BICRAL: variants seen among roughly 807,000 people sequenced by gnomAD.
BICRAL encodes BICRA like chromatin remodeling complex associated protein, also known as BRD4-interacting chromatin-remodeling complex-associated protein-like.
In BICRAL, 8 loss-of-function variants were observed where a neutral mutation model predicts 91.8. The ratio of observed to expected loss-of-function variants is 0.09; its 90% CI spans 0.05 to 0.16. The LOEUF is 0.16. Ranked by LOEUF, BICRAL falls within the 10% of genes least tolerant of loss-of-function variation. The pLI is 1.00. For missense variants in BICRAL, 1,038 were observed against 1,310.9 expected (o/e 0.79, Z 3.21); for synonymous variants, 445 against 491.1 (o/e 0.91, Z 1.24).
chr6:42,760,011 G>A (rs748292835), intron 1 of BICRAL, among the ~76,000 whole-genome samples: 5 of 152,136 alleles, frequency 3.3e-5, no homozygotes, highest in East Asian at 3.9e-4. Context: ...TTGGGAGGCC[G>A]GGGCGGGTGG....
intron 6 of BICRAL, among the ~76,000 whole-genome samples, 186 bp from the exon 7 acceptor site, chr6:42,851,906 T>C (rs143970108): frequency 6.6e-6 from 1 of 152,268 alleles, no homozygotes; most frequent in East Asian, 1.9e-4. Flanking sequence ...TGCCTGCAGA[T>C]TGTTAAAGGA....
At chr6:42,748,628 A>T (rs1762328494) in intron 1 of BICRAL, among the ~76,000 whole-genome samples, 1 of 151,960 alleles carries the variant, frequency 6.6e-6, no homozygotes, top group African/African-American at 2.4e-5. Context: ...CACCCAGGTG[A>T]CCCGGTGTGT....
upstream of BICRAL, among the ~76,000 whole-genome samples, chr6:42,778,562 T>G (rs149792512): frequency 6.6e-6 from 1 of 152,340 alleles, no homozygotes; most frequent in Non-Finnish European, 1.5e-5. Flanking sequence ...TTAAAAAGCC[T>G]GCAATGCCCT....
At position 42,829,045 on chromosome 6, in the gene BICRAL, T is replaced by C; in HGVS notation, c.712T>C (p.Leu238=). 1 of 1,614,154 alleles carries C rather than the reference T, an allele frequency of 6.2e-7. No homozygotes were observed. The highest frequency in any genetic ancestry group is 8.5e-7 in the Non-Finnish European group (1 of 1,179,990). Residue 238 remains leucine, a synonymous_variant, in exon 6 of 13, where the codon TTA becomes CTA. Coordinates refer to ENST00000314073, the MANE Select transcript of BICRAL (RefSeq NM_001393499.1). ...TAACCTAGATGGATCTCAAATCATA[T>C]TAAAGGGCAGCGGGCAGCAAGCCCC... The part of the protein sequence containing the change: ...INNLDGSQII[L]KGSGQQAPSN...
At chr6:42,808,011 G>C (rs1763756995) in intron 1 of BICRAL, among the ~76,000 whole-genome samples, 1 of 151,894 alleles carries the variant, frequency 6.6e-6, no homozygotes, top group Admixed American at 6.6e-5. Flanking sequence ...AAACACAGCT[G>C]CCTTATATTT....
intron 1 of BICRAL, among the ~76,000 whole-genome samples, chr6:42,798,550 G>A (rs1582827111): frequency 6.6e-6 from 1 of 152,008 alleles, no homozygotes; most frequent in Admixed American, 6.6e-5. Flanking sequence ...TACAAAATTA[G>A]CCAGGCGTGG....
intron 1 of BICRAL, among the ~76,000 whole-genome samples, chr6:42,805,140 C>G (rs1763672395): frequency 1.3e-5 from 2 of 152,174 alleles, no homozygotes; most frequent in Non-Finnish European, 2.9e-5. Context: ...CTGAGGTTGT[C>G]AGAGAAGGAT....
intron 2 of BICRAL, among the ~76,000 whole-genome samples, chr6:42,815,079 T>A (rs998762760): frequency 3.3e-5 from 5 of 151,250 alleles, no homozygotes; most frequent in African/African-American, 1.2e-4. Flanking sequence ...CTGGCTCATT[T>A]TTTTTGTATT....
chr6:42,845,741 A>G (rs1380786715), intron 6 of BICRAL, among the ~76,000 whole-genome samples: 1 of 151,962 alleles, frequency 6.6e-6, no homozygotes, highest in Non-Finnish European at 1.5e-5. Flanking sequence ...TTAACAATAC[A>G]TCAGAATCAA....
At chr6:42,821,942 A>T (rs1764148583) in intron 2 of BICRAL, 76 bp from the exon 3 acceptor site, 4 of 815,754 alleles carry the variant, frequency 4.9e-6, no homozygotes, top group Non-Finnish European at 6.3e-6. Flanking sequence ...TGTAAGGCAT[A>T]CTTTTGTATT....
chr6:42,800,718 T>C (rs2113897681), intron 1 of BICRAL, among the ~76,000 whole-genome samples: 1 of 152,256 alleles, frequency 6.6e-6, no homozygotes, highest in East Asian at 1.9e-4. Context: ...TCCGGCTATG[T>C]CCACACATTT....
At chr6:42,772,733 G>C (rs1762755579) in intron 1 of BICRAL, among the ~76,000 whole-genome samples, 1 of 152,166 alleles carries the variant, frequency 6.6e-6, no homozygotes, top group Non-Finnish European at 1.5e-5. Flanking sequence ...GATGATCTTT[G>C]TAGCAATTTG....
intron 6 of BICRAL, among the ~76,000 whole-genome samples, chr6:42,842,265 T>G (rs1408861042): frequency 6.6e-6 from 1 of 152,210 alleles, no homozygotes; most frequent in South Asian, 2.1e-4. Flanking sequence ...AGAAGTACTG[T>G]GCTACCTGAT....
rs867702510 is a variant in BICRAL, at chr6:42,857,612, A to T, written c.2254+376A>T. Among the ~76,000 whole-genome samples, 837 of 96,904 alleles carry T rather than the reference A, an allele frequency of 8.6e-3. 10 individuals are homozygous for T. The highest frequency in any genetic ancestry group is 0.045 in the African/African-American group (635 of 14,098). 63.6% of individuals were successfully genotyped at this position (96,904 alleles called of 152,430 possible). ...AGACACTGTCTCTTAAAAAAAAAAA[A>T]AAATATATATATATATATATATATT... is the stretch of plus-strand genomic sequence containing the variant. On this transcript the variant is annotated intron_variant, in intron 10 of 12. Transcript: ENST00000314073.
chr6:42,857,314 C>T, intron 10 of BICRAL, 78 bp downstream of exon 10: 1 of 1,163,056 alleles, frequency 8.6e-7, no homozygotes, highest in Non-Finnish European at 1.2e-6. Flanking sequence ...AAGCAAGAGC[C>T]ACATCACCCC....
intron 3 of BICRAL, 82 bp downstream of exon 3, chr6:42,822,145 C>G (rs774974367): frequency 1.1e-5 from 8 of 743,852 alleles, no homozygotes; most frequent in Non-Finnish European, 1.9e-5. Flanking sequence ...GCATATAACA[C>G]CTGATAGGTA....
chr6:42,815,086 T>C (rs775169490), intron 2 of BICRAL, among the ~76,000 whole-genome samples: 20 of 151,508 alleles, frequency 1.3e-4, no homozygotes, highest in Admixed American at 3.3e-4. Context: ...ATTTTTTTTG[T>C]ATTTTTAGCA....
intron 2 of BICRAL, among the ~76,000 whole-genome samples, chr6:42,816,343 G>T: frequency 6.6e-6 from 1 of 150,472 alleles, no homozygotes; most frequent in South Asian, 2.1e-4. Context: ...ATGAAACCCT[G>T]TCTCTTCAAA....
intron 1 of BICRAL, among the ~76,000 whole-genome samples, chr6:42,782,734 G>GC (rs962227791): frequency 1.7e-4 from 25 of 151,338 alleles, no homozygotes; most frequent in African/African-American, 5.1e-4. Context: ...TGTGTTTTCC[G>GC]CCCCCCGGAG....
Sources: gnomAD v4.1 joint callset for allele counts (sites outside exome capture counted in the v4.1 genomes callset) on GRCh38, gnomAD v4.1.1 for gene constraint, MANE v1.5 for transcripts, NCBI Gene and HGNC (gene_info 2026-07-23, HGNC 2026-07-21) for gene names.